The following LRRC7 variants were observed in gnomAD, a reference collection of about 807,000 sequenced individuals.
The protein encoded by LRRC7 is leucine-rich repeat-containing protein 7.
Under a neutral mutation model 175.7 loss-of-function variants are expected in LRRC7, and 23 were observed. The observed-to-expected ratio is 0.13, with a 90% CI of 0.09 to 0.19. The LOEUF (loss-of-function observed/expected upper bound fraction) is 0.19. Among genes scored for constraint, LRRC7 ranks in the 10% least tolerant of loss-of-function variants. The pLI, the probability that LRRC7 is intolerant of heterozygous loss-of-function variation, is 1.00. For missense variants in LRRC7, 1,354 were observed against 1,904.7 expected (o/e 0.71, Z 5.38); for synonymous variants, 685 against 680.9 (o/e 1.01, Z -0.09).
intron 3 of LRRC7, among the ~76,000 whole-genome samples, chr1:69,786,172 G>C (rs1375859013): frequency 6.6e-6 from 1 of 152,086 alleles, no homozygotes; most frequent in East Asian, 1.9e-4. Context: ...GAGGAGACTT[G>C]TATGCTTCTA....
chr1:69,809,755 G>C (rs11488283), intron 4 of LRRC7, among the ~76,000 whole-genome samples: 2,216 of 152,126 alleles, frequency 0.015, 49 homozygotes, highest in African/African-American at 0.047. Context: ...CAATAAACTA[G>C]CTATTGATGG....
At chr1:69,630,195 A>C (rs1392293512) in intron 1 of LRRC7, among the ~76,000 whole-genome samples, 1 of 152,026 alleles carries the variant, frequency 6.6e-6, no homozygotes, top group Non-Finnish European at 1.5e-5. Flanking sequence ...AGAATTTTCT[A>C]TTAATAGCAA....
chr1:69,816,222 C>T (rs1400298790), intron 4 of LRRC7, among the ~76,000 whole-genome samples: 2 of 152,086 alleles, frequency 1.3e-5, no homozygotes, highest in Admixed American at 1.3e-4. Context: ...AAGCAATCCG[C>T]CCGCCTCAGC....
At chr1:70,038,002 A>T (rs1357817414) in intron 20 of LRRC7, 111 bp from the exon 21 acceptor site, 28 of 1,314,584 alleles carry the variant, frequency 2.1e-5, no homozygotes, top group Non-Finnish European at 2.9e-5. Flanking sequence ...TCAGGTGAGG[A>T]TTATTGATCA....
At chr1:70,117,925 T>C (rs4650028) in intron 26 of LRRC7, among the ~76,000 whole-genome samples, 19,365 of 152,160 alleles carry the variant, frequency 0.13, 1,700 homozygotes, top group African/African-American at 0.24. Flanking sequence ...GTCTTTTGCA[T>C]AGTATGCATG....
At chr1:69,909,260 C>T (rs1293992433) in intron 7 of LRRC7, among the ~76,000 whole-genome samples, 1 of 152,006 alleles carries the variant, frequency 6.6e-6, no homozygotes, top group Non-Finnish European at 1.5e-5. Flanking sequence ...GAGCATTTAG[C>T]CCATTTTCAT....
intron 8 of LRRC7, among the ~76,000 whole-genome samples, chr1:69,956,532 A>G (rs1650504941): frequency 6.6e-6 from 1 of 151,724 alleles, no homozygotes; most frequent in South Asian, 2.1e-4. Flanking sequence ...CAGGTTGGGG[A>G]TAGATGTTGA....
At chr1:69,922,320 T>G (rs573349269) in intron 7 of LRRC7, among the ~76,000 whole-genome samples, 1 of 93,212 alleles carries the variant, frequency 1.1e-5, no homozygotes, top group South Asian at 3.1e-4. Context: ...GAAATGACCA[T>G]CTCCCCTGAC....
chr1:69,658,410 C>A (rs1390447497), intron 1 of LRRC7, among the ~76,000 whole-genome samples: 1 of 151,734 alleles, frequency 6.6e-6, no homozygotes, highest in Admixed American at 6.6e-5. Flanking sequence ...GGATAAAATA[C>A]AAGCGATATA....
intron 2 of LRRC7, among the ~76,000 whole-genome samples, chr1:69,731,293 C>T (rs530068724): frequency 1.3e-5 from 2 of 151,926 alleles, no homozygotes; most frequent in African/African-American, 4.8e-5. Flanking sequence ...ATTACCCCCA[C>T]CCCCAAAAAA....
chr1:69,671,336 T>G (rs1659045966), intron 1 of LRRC7, among the ~76,000 whole-genome samples: 1 of 152,120 alleles, frequency 6.6e-6, no homozygotes. Context: ...TGACTGGTGC[T>G]CTATCCTACT....
intron 7 of LRRC7, among the ~76,000 whole-genome samples, chr1:69,853,261 C>CCTTT (rs373524636): frequency 0.39 from 46,406 of 119,604 alleles, 10,790 homozygotes; most frequent in East Asian, 0.46. Flanking sequence ...TTCTCTTTTT[C>CCTTT]CTTTCTTTCT....
At chr1:70,111,936 G>T (rs1204480538) in intron 26 of LRRC7, among the ~76,000 whole-genome samples, 1 of 152,040 alleles carries the variant, frequency 6.6e-6, no homozygotes, top group Non-Finnish European at 1.5e-5. Context: ...TCTAATATGA[G>T]ATATATAAAT....
intron 1 of LRRC7, among the ~76,000 whole-genome samples, chr1:69,626,826 T>C (rs1651658905): frequency 6.6e-6 from 1 of 151,358 alleles, no homozygotes; most frequent in South Asian, 2.1e-4. Flanking sequence ...ATGCGGTGTT[T>C]TGTTTTTTGT....
At chr1:69,927,103 A>C (rs1647102167) in intron 7 of LRRC7, among the ~76,000 whole-genome samples, 1 of 152,178 alleles carries the variant, frequency 6.6e-6, no homozygotes, top group Admixed American at 6.5e-5. Flanking sequence ...GTGGGTTGAA[A>C]ATTCTTTCCT....
intron 1 of LRRC7, among the ~76,000 whole-genome samples, chr1:69,612,101 A>G (rs1648854641): frequency 6.6e-6 from 1 of 152,074 alleles, no homozygotes; most frequent in Non-Finnish European, 1.5e-5. Flanking sequence ...GATGTCTTAG[A>G]ATAATTCCTA....
chr1:69,676,537 T>C (rs11209515), intron 1 of LRRC7, among the ~76,000 whole-genome samples: 31,903 of 152,022 alleles, frequency 0.21, 3,516 homozygotes, highest in South Asian at 0.29. Flanking sequence ...GTAAACTTTA[T>C]GGAAAACAGA....
intron 7 of LRRC7, among the ~76,000 whole-genome samples, chr1:69,848,658 C>A (rs1371450547): frequency 1.3e-5 from 2 of 152,018 alleles, no homozygotes; most frequent in African/African-American, 4.8e-5. Context: ...TCTCCTCTCT[C>A]CTCTCTACTC....
chr1:69,834,997 T>G (rs1427117654), intron 6 of LRRC7, 128 bp downstream of exon 6: 8 of 631,652 alleles, frequency 1.3e-5, no homozygotes, highest in Non-Finnish European at 2.1e-5. Flanking sequence ...ATTCAATAAA[T>G]GAAACGCTGT....
Sources: allele counts gnomAD v4.1 joint callset (sites outside exome capture counted in the v4.1 genomes callset), GRCh38; gene constraint gnomAD v4.1.1; transcripts MANE v1.5; gene names NCBI Gene and HGNC (gene_info 2026-07-23, HGNC 2026-07-21).